Variants in RALYL observed in about 807,000 individuals in gnomAD.
The protein encoded by RALYL is RALY RNA binding protein like.
Under a neutral mutation model 35.1 loss-of-function variants are expected in RALYL, and 29 were observed. The observed-to-expected ratio is 0.83, with a 90% CI of 0.61 to 1.13. The LOEUF is 1.13. Among genes scored for constraint, RALYL ranks in the 50% most tolerant of loss-of-function variants. RALYL has a pLI of 0.00. For missense variants in RALYL, 359 were observed against 360.4 expected (o/e 1.00, Z 0.03); for synonymous variants, 120 against 127.6 (o/e 0.94, Z 0.40).
At chr8:84,291,374 C>A (rs74822941) in intron 1 of RALYL, among the ~76,000 whole-genome samples, 4,115 of 152,170 alleles carry the variant, frequency 0.027, 101 homozygotes, top group Non-Finnish European at 0.031. Context: ...GTTGGGAAAG[C>A]TAGTGACATT....
At chr8:84,761,830 T>A (rs1449298545) in intron 2 of RALYL, among the ~76,000 whole-genome samples, 1 of 152,136 alleles carries the variant, frequency 6.6e-6, no homozygotes, top group Non-Finnish European at 1.5e-5. Flanking sequence ...AATTTTAAAA[T>A]AGCATTGTGT....
At chr8:84,324,231 T>C (rs1215776253) in intron 1 of RALYL, among the ~76,000 whole-genome samples, 1 of 152,082 alleles carries the variant, frequency 6.6e-6, no homozygotes, top group Non-Finnish European at 1.5e-5. Flanking sequence ...AGTATCTTGA[T>C]TGTTTTCCTG....
chr8:84,262,206 T>C (rs1563629844), intron 1 of RALYL, among the ~76,000 whole-genome samples: 1 of 152,188 alleles, frequency 6.6e-6, no homozygotes, highest in Non-Finnish European at 1.5e-5. Context: ...TCCTCTGATT[T>C]AACATTTCAT....
intron 2 of RALYL, among the ~76,000 whole-genome samples, chr8:84,604,934 T>A (rs1310584299): frequency 6.6e-6 from 1 of 152,014 alleles, no homozygotes; most frequent in African/African-American, 2.4e-5. Context: ...GGATAAGATT[T>A]GGTAGTTTTG....
At chr8:84,715,819 A>G (rs1371908123) in intron 2 of RALYL, among the ~76,000 whole-genome samples, 2 of 152,066 alleles carry the variant, frequency 1.3e-5, no homozygotes, top group African/African-American at 2.4e-5. Context: ...TATTCTAACA[A>G]TGGAATTTCT....
chr8:84,875,804 C>T (rs1299729481), intron 7 of RALYL, among the ~76,000 whole-genome samples: 1 of 152,128 alleles, frequency 6.6e-6, no homozygotes, highest in Non-Finnish European at 1.5e-5. Flanking sequence ...AGGGGACAGT[C>T]ATTACAATGC....
At chr8:84,306,481 C>A (rs191401841) in intron 1 of RALYL, among the ~76,000 whole-genome samples, 1 of 152,118 alleles carries the variant, frequency 6.6e-6, no homozygotes, top group Non-Finnish European at 1.5e-5. Flanking sequence ...CCTCCCTGAT[C>A]CCTCTTCAGG....
chr8:84,334,926 A>C (rs1280976066), intron 1 of RALYL, among the ~76,000 whole-genome samples: 2 of 152,256 alleles, frequency 1.3e-5, no homozygotes, highest in Middle Eastern at 3.4e-3. Context: ...CCTACTTTGG[A>C]CTGGATGCCT....
chr8:84,221,703 C>G (rs1020763127), intron 1 of RALYL, among the ~76,000 whole-genome samples: 2 of 151,978 alleles, frequency 1.3e-5, no homozygotes, highest in African/African-American at 4.8e-5. Context: ...ATGTCTTCTT[C>G]CCAATCATAT....
chr8:84,454,097 C>T (rs2049846962), intron 1 of RALYL, among the ~76,000 whole-genome samples: 2 of 151,946 alleles, frequency 1.3e-5, no homozygotes, highest in South Asian at 4.1e-4. Flanking sequence ...AGTCTGGACA[C>T]TTCTAAAAAC....
intron 1 of RALYL, among the ~76,000 whole-genome samples, chr8:84,445,507 G>A (rs1233365350): frequency 6.6e-6 from 1 of 151,574 alleles, no homozygotes; most frequent in African/African-American, 2.4e-5. Context: ...ACTGTAGTAC[G>A]TGTTTTATTT....
At chr8:84,285,660 A>G (rs1837454142) in intron 1 of RALYL, among the ~76,000 whole-genome samples, 1 of 152,148 alleles carries the variant, frequency 6.6e-6, no homozygotes, top group Non-Finnish European at 1.5e-5. Flanking sequence ...TCTTGGGAAG[A>G]AGATACTTCG....
intron 1 of RALYL, among the ~76,000 whole-genome samples, chr8:84,498,883 C>T (rs1200564451): frequency 1.3e-5 from 2 of 151,658 alleles, no homozygotes; most frequent in African/African-American, 4.8e-5. Context: ...TAAAAAAAAT[C>T]CAGCATAATA....
intron 2 of RALYL, among the ~76,000 whole-genome samples, chr8:84,651,821 G>C (rs1828899082): frequency 6.6e-6 from 1 of 151,988 alleles, no homozygotes; most frequent in African/African-American, 2.4e-5. Flanking sequence ...TGTTGGAAAG[G>C]AACAGGATGT....
At chr8:84,733,828 C>T (rs1395358017) in intron 2 of RALYL, among the ~76,000 whole-genome samples, 2 of 152,142 alleles carry the variant, frequency 1.3e-5, no homozygotes, top group Admixed American at 1.3e-4. Flanking sequence ...CATGAAATAC[C>T]TGACCCATCA....
At chr8:84,893,464 G>A (rs146010594) in intron 8 of RALYL, among the ~76,000 whole-genome samples, 119 of 152,244 alleles carry the variant, frequency 7.8e-4, no homozygotes, top group African/African-American at 2.7e-3. Flanking sequence ...TTGCCATAAT[G>A]GAAATACTAT....
chr8:84,812,428 T>C (rs1387817522), intron 4 of RALYL, among the ~76,000 whole-genome samples: 7 of 152,106 alleles, frequency 4.6e-5, no homozygotes, highest in Admixed American at 4.6e-4. Context: ...AGGTGGCACT[T>C]TCCAGGGAGC....
chr8:84,599,571 A>G (rs980172773), intron 2 of RALYL, among the ~76,000 whole-genome samples: 6 of 152,062 alleles, frequency 3.9e-5, no homozygotes, highest in Non-Finnish European at 8.8e-5. Flanking sequence ...GGCAATATAT[A>G]TCTATTGAGC....
chr8:84,342,774 A>G (rs530031466), intron 1 of RALYL, among the ~76,000 whole-genome samples: 19 of 152,158 alleles, frequency 1.2e-4, no homozygotes, highest in African/African-American at 4.6e-4. Context: ...AACATATTAC[A>G]GCAGAAGAAA....
Sources: allele counts gnomAD v4.1 joint callset (sites outside exome capture counted in the v4.1 genomes callset), GRCh38; gene constraint gnomAD v4.1.1; transcripts MANE v1.5; gene names NCBI Gene and HGNC (gene_info 2026-07-23, HGNC 2026-07-21).